Variants in TNFRSF10A observed in about 807,000 individuals in gnomAD.
The protein encoded by TNFRSF10A is tumor necrosis factor receptor superfamily member 10A.
Under a neutral mutation model 42.8 loss-of-function variants are expected in TNFRSF10A, and 44 were observed. The observed-to-expected ratio is 1.03, with a 90% CI of 0.81 to 1.32. The LOEUF (loss-of-function observed/expected upper bound fraction) is 1.32, where lower values mean the gene tolerates loss of function less well. Among genes scored for constraint, TNFRSF10A ranks in the 40% most tolerant of loss-of-function variants. The pLI, the probability that TNFRSF10A is intolerant of heterozygous loss-of-function variation, is 0.00. For synonymous variants in TNFRSF10A, 259 were observed against 234.2 expected (o/e 1.11, Z -0.97); for missense variants, 680 against 602.0 (o/e 1.13, Z -1.36).
At chr8:23,200,835 C>T (rs571132997) in intron 4 of TNFRSF10A, 75 bp from the exon 5 acceptor site, 4 of 1,363,610 alleles carry the variant, frequency 2.9e-6, no homozygotes, top group Non-Finnish European at 4.2e-6. Flanking sequence ...AGGAGCCACT[C>T]TCCCTGCCCA....
At chr8:23,223,473 G>A (rs1340233435) in intron 1 of TNFRSF10A, among the ~76,000 whole-genome samples, 1 of 152,182 alleles carries the variant, frequency 6.6e-6, no homozygotes, top group Non-Finnish European at 1.5e-5. Flanking sequence ...ACCTGGAATC[G>A]CACTAGCCTG....
At chr8:23,224,708 C>T in intron 1 of TNFRSF10A, 48 bp downstream of exon 1, 1 of 1,531,836 alleles carries the variant, frequency 6.5e-7, no homozygotes, top group Non-Finnish European at 8.8e-7. Context: ...TGCCCCCTCC[C>T]GGTGCCAGGC....
chr8:23,212,753 G>C (rs1246467162), intron 1 of TNFRSF10A, among the ~76,000 whole-genome samples: 6 of 152,164 alleles, frequency 3.9e-5, no homozygotes, highest in East Asian at 1.9e-4. Context: ...TACAAGAGTT[G>C]TATAATTCTT....
At chr8:23,209,731 A>T (rs1801066788) in intron 2 of TNFRSF10A, among the ~76,000 whole-genome samples, 2 of 152,362 alleles carry the variant, frequency 1.3e-5, no homozygotes, top group Admixed American at 6.5e-5. Context: ...CTAGGAAGTA[A>T]CTAACTTGCT....
chr8:23,224,675 C>T, intron 1 of TNFRSF10A, 81 bp downstream of exon 1: 1 of 1,475,582 alleles, frequency 6.8e-7, no homozygotes, highest in Non-Finnish European at 9.0e-7. Context: ...GCCAGGCACC[C>T]CCGCCGCGTC....
At chr8:23,203,206 C>A (rs1248699463) in intron 2 of TNFRSF10A, among the ~76,000 whole-genome samples, 1 of 152,130 alleles carries the variant, frequency 6.6e-6, no homozygotes, top group Non-Finnish European at 1.5e-5. Flanking sequence ...TGATTAATGG[C>A]CACATAGGCC....
In TNFRSF10A at chr8:23,191,668, A is replaced by T. The variant is rs1168913345; in HGVS notation, c.*26T>A. The stretch of plus-strand genomic sequence containing the variant: ...TATGTATTAACTCCTAACACCTAAG[A>T]GGAAACCTCTGGTAAAAAGAGTCTT... On this transcript the variant is annotated 3_prime_UTR_variant, in exon 10 of 10. Coordinates refer to ENST00000221132, the MANE Select transcript of TNFRSF10A (RefSeq NM_003844.4). 6.3e-7 allele frequency: 1 copy of T among 1,597,526 alleles called. No homozygotes were observed.
At chr8:23,205,092 C>T (rs752581193) in intron 2 of TNFRSF10A, among the ~76,000 whole-genome samples, 35 of 151,804 alleles carry the variant, frequency 2.3e-4, no homozygotes, top group Non-Finnish European at 3.1e-4. Flanking sequence ...ATTAATGAGA[C>T]GGAGAACAGA....
At chr8:23,199,784 G>T in intron 7 of TNFRSF10A, 102 bp downstream of exon 7, 1 of 1,512,972 alleles carries the variant, frequency 6.6e-7, no homozygotes, top group Admixed American at 1.7e-5. Context: ...GAGACTCAGG[G>T]CAGCCATGAG....
intron 1 of TNFRSF10A, among the ~76,000 whole-genome samples, chr8:23,218,234 T>C (rs530580355): frequency 2.0e-5 from 3 of 152,146 alleles, no homozygotes; most frequent in South Asian, 4.2e-4. Context: ...TTCTCCTCCA[T>C]AGACTCTCCT....
At chr8:23,212,901 G>T (rs1801109819) in intron 1 of TNFRSF10A, among the ~76,000 whole-genome samples, 1 of 152,206 alleles carries the variant, frequency 6.6e-6, no homozygotes, top group African/African-American at 2.4e-5. Flanking sequence ...TATTATCAGG[G>T]TAATGCGGGG....
chr8:23,199,373 C>A lies in TNFRSF10A; in HGVS notation c.907G>T (p.Ala303Ser). The change falls in exon 8 of 10, where the codon GCA (alanine) becomes TCA (serine). Residue 303 changes from alanine (A) to serine (S), a missense_variant. Ala to Ser is a moderately conservative substitution (Grantham distance 99, BLOSUM62 1). Transcript: ENST00000221132. ...GAGACGAAAGTGGACAGCGAGTCTG[C>A]GTTGCTCAGAATCTCGTTGTGAGCA... ...DNAHNEILSN[A>S]DSLSTFVSEQ... 3 of 1,614,210 alleles carry A rather than the reference C, an allele frequency of 1.9e-6. No homozygotes were observed. Among genetic ancestry groups the A allele is most frequent in the Non-Finnish European group, 2.5e-6 (3 of 1,180,022 alleles).
chr8:23,195,217 A>G (rs1294205625), intron 9 of TNFRSF10A, among the ~76,000 whole-genome samples: 1 of 152,220 alleles, frequency 6.6e-6, no homozygotes, highest in Non-Finnish European at 1.5e-5. Context: ...TTAACCAAAC[A>G]TGAAGCTGGG....
At position 23,191,220 on chromosome 8, in the gene TNFRSF10A, T is replaced by C; in HGVS notation, c.*474A>G. The C allele has an allele frequency of 6.1e-6, 1 of 163,570 alleles. No individual in the cohort carries two copies. The highest frequency in any genetic ancestry group is 1.7e-4 in the South Asian group (1 of 5,802). The allele number at this position is 163,570 out of a possible 1,614,324, so 10.1% of individuals were successfully genotyped here. A position where few individuals can be genotyped will look rare whatever the true frequency, so the allele number is the denominator to read the frequency against. ...AATTAACACCTCCAATTGACCACCA[T>C]GATAAGGAAACACACGGAGGCCAGC... is the stretch of plus-strand genomic sequence containing the variant. On this transcript the variant is annotated 3_prime_UTR_variant, in exon 10 of 10. Transcript: ENST00000221132.
In TNFRSF10A at chr8:23,191,412, C is replaced by T. The variant is rs1383701013; in HGVS notation, c.*282G>A. On this transcript the variant is annotated 3_prime_UTR_variant, in exon 10 of 10. Transcript: ENST00000221132. Reference sequence around the variant, plus strand: ...CTCGTGGGTTCAAGTGATTCTCCTGCCTCAGCCTCCCGAGTAGCCGAGAAT... The same window carrying T: ...CTCGTGGGTTCAAGTGATTCTCCTGTCTCAGCCTCCCGAGTAGCCGAGAAT... 2 of 470,604 alleles carry T rather than the reference C, an allele frequency of 4.2e-6. No individual in the cohort carries two copies. Among genetic ancestry groups the T allele is most frequent in the Non-Finnish European group, 7.4e-6 (2 of 268,696 alleles). 29.2% of individuals were successfully genotyped at this position (470,604 alleles called of 1,614,324 possible).
At chr8:23,216,347 A>C (rs962394909) in intron 1 of TNFRSF10A, among the ~76,000 whole-genome samples, 1 of 152,146 alleles carries the variant, frequency 6.6e-6, no homozygotes, top group Non-Finnish European at 1.5e-5. Context: ...AACTTTACTG[A>C]GATATACTTT....
intron 2 of TNFRSF10A, among the ~76,000 whole-genome samples, chr8:23,203,554 C>T (rs976577903): frequency 6.6e-6 from 1 of 152,206 alleles, no homozygotes; most frequent in Non-Finnish European, 1.5e-5. Flanking sequence ...ACCTCCAGGG[C>T]TTCGCCCCTT....
At chr8:23,197,876 C>T (rs948258340) in intron 8 of TNFRSF10A, among the ~76,000 whole-genome samples, 2 of 152,172 alleles carry the variant, frequency 1.3e-5, no homozygotes, top group Non-Finnish European at 1.5e-5. Context: ...AGACCCAGGG[C>T]ACTGCAGAGT....
intron 1 of TNFRSF10A, 108 bp from the exon 2 acceptor site, chr8:23,212,320 C>T (rs1189085341): frequency 2.2e-6 from 2 of 914,640 alleles, no homozygotes; most frequent in African/African-American, 3.3e-5. Context: ...ACAGAACTTG[C>T]ATCTTTCTCC....
Sources: allele counts gnomAD v4.1 joint callset (sites outside exome capture counted in the v4.1 genomes callset), GRCh38; gene constraint gnomAD v4.1.1; transcripts MANE v1.5; gene names NCBI Gene and HGNC (gene_info 2026-07-23, HGNC 2026-07-21).